FBXW11: variants seen among roughly 807,000 people sequenced by gnomAD.
FBXW11 encodes F-box and WD repeat domain containing 11.
FBXW11 carries 19 observed loss-of-function variants against 77.6 expected under a neutral mutation model. That is an observed-to-expected ratio of 0.24 (90% CI 0.17 to 0.36). The LOEUF (loss-of-function observed/expected upper bound fraction) is 0.36, where lower values mean the gene tolerates loss of function less well. Ranked by LOEUF, FBXW11 falls within the 10% of genes least tolerant of loss-of-function variation. The pLI, the probability that FBXW11 is intolerant of heterozygous loss-of-function variation, is 1.00. For missense variants in FBXW11, 334 were observed against 704.2 expected (o/e 0.47, Z 5.95); for synonymous variants, 235 against 249.4 (o/e 0.94, Z 0.54).
intron 2 of FBXW11, among the ~76,000 whole-genome samples, chr5:171,949,119 A>G (rs1763175631): frequency 6.6e-6 from 1 of 152,240 alleles, no homozygotes; most frequent in Admixed American, 6.5e-5. Flanking sequence ...AGTCCATATC[A>G]TCAGTAAGAC....
intron 2 of FBXW11, among the ~76,000 whole-genome samples, chr5:171,933,572 A>G (rs886315863): frequency 2.0e-5 from 3 of 152,292 alleles, no homozygotes; most frequent in Admixed American, 6.5e-5. Flanking sequence ...GGATGCCCAC[A>G]TTGTAAGAGG....
chr5:171,952,716 C>T (rs1763410904), intron 2 of FBXW11, among the ~76,000 whole-genome samples: 1 of 151,080 alleles, frequency 6.6e-6, no homozygotes, highest in African/African-American at 2.4e-5. Flanking sequence ...TCCCAAATTG[C>T]TGGGATTACT....
intron 1 of FBXW11, among the ~76,000 whole-genome samples, chr5:171,974,159 GCA>G (rs1764685211): frequency 6.6e-6 from 1 of 152,088 alleles, no homozygotes; most frequent in Non-Finnish European, 1.5e-5. Context: ...CATAGGTCAG[GCA>G]CAGTGTCTCA....
At chr5:171,926,488 G>A (rs1453932093) in intron 2 of FBXW11, among the ~76,000 whole-genome samples, 1 of 152,190 alleles carries the variant, frequency 6.6e-6, no homozygotes, top group Non-Finnish European at 1.5e-5. Context: ...GTTTCTCATG[G>A]TTTAACACCA....
At chr5:171,891,748 T>A in intron 6 of FBXW11, 144 bp from the exon 7 acceptor site, 1 of 724,250 alleles carries the variant, frequency 1.4e-6, no homozygotes, top group East Asian at 2.9e-5. Flanking sequence ...AGGATCATGC[T>A]CTTTTCCAAG....
At chr5:171,877,493 A>C (rs980523259) in intron 8 of FBXW11, among the ~76,000 whole-genome samples, 2 of 152,126 alleles carry the variant, frequency 1.3e-5, no homozygotes, top group Non-Finnish European at 2.9e-5. Context: ...GCATTTCCAC[A>C]TCACGGCTTT....
intron 1 of FBXW11, among the ~76,000 whole-genome samples, chr5:171,967,351 G>T (rs1457002972): frequency 6.6e-6 from 1 of 152,050 alleles, no homozygotes; most frequent in Non-Finnish European, 1.5e-5. Context: ...CACAGATTAG[G>T]GATTACCCAT....
intron 7 of FBXW11, among the ~76,000 whole-genome samples, chr5:171,885,110 A>T (rs1179721487): frequency 6.6e-6 from 1 of 152,216 alleles, no homozygotes; most frequent in Non-Finnish European, 1.5e-5. Flanking sequence ...TCCCCAGGTC[A>T]GTCAGGTTCT....
chr5:171,938,925 A>ACC (rs1470222170), intron 2 of FBXW11, among the ~76,000 whole-genome samples: 7 of 152,160 alleles, frequency 4.6e-5, no homozygotes, highest in Non-Finnish European at 7.3e-5. Context: ...ACTGTATACT[A>ACC]CCTTTTGTGT....
intron 2 of FBXW11, among the ~76,000 whole-genome samples, chr5:171,954,059 C>G (rs1404321341): frequency 6.6e-6 from 1 of 152,208 alleles, no homozygotes; most frequent in African/African-American, 2.4e-5. Flanking sequence ...AGTCCTACCC[C>G]AGCAAAAGGC....
chr5:171,950,930 G>A (rs911488405), intron 2 of FBXW11, among the ~76,000 whole-genome samples: 1 of 151,718 alleles, frequency 6.6e-6, no homozygotes, highest in African/African-American at 2.4e-5. Context: ...TTTAAATGAG[G>A]GAATTCTGAT....
intron 2 of FBXW11, 32 bp from the exon 3 acceptor site, chr5:171,914,437 T>C: frequency 6.5e-7 from 1 of 1,541,568 alleles, no homozygotes; most frequent in Non-Finnish European, 8.7e-7. Context: ...ATTTGAATTA[T>C]ACCAAGTTTT....
intron 2 of FBXW11, among the ~76,000 whole-genome samples, chr5:171,915,528 T>C (rs1302660383): frequency 6.6e-6 from 1 of 152,120 alleles, no homozygotes; most frequent in East Asian, 1.9e-4. Context: ...AAACTGGCTC[T>C]GATCAGGAAT....
intron 1 of FBXW11, among the ~76,000 whole-genome samples, chr5:171,996,515 T>C (rs1432546999): frequency 6.6e-6 from 1 of 152,036 alleles, no homozygotes; most frequent in African/African-American, 2.4e-5. Flanking sequence ...AAAAAGAAAT[T>C]AGCTGAGCAT....
Position 171,939,818 on chromosome 5 carries a change from T to C in FBXW11, c.147+17779A>G, listed in dbSNP as rs560277220. Among the ~76,000 whole-genome samples, 232 of 151,954 alleles carry C rather than the reference T, an allele frequency of 1.5e-3. 1 individual carries two copies. Among genetic ancestry groups the C allele is most frequent in the African/African-American group, 5.4e-3 (224 of 41,456 alleles). Reference sequence around the variant, plus strand: ...CAAGGCGTGTCATCCCTCAGTGTCATCCTCAGGCATCAGTTTCAGGATACA... The same window carrying C: ...CAAGGCGTGTCATCCCTCAGTGTCACCCTCAGGCATCAGTTTCAGGATACA... On this transcript the variant is annotated intron_variant, in intron 2 of 13. Coordinates refer to ENST00000517395, the MANE Select transcript of FBXW11 (RefSeq NM_001378974.1).
chr5:171,888,681 T>G lies in FBXW11; in HGVS notation c.852+2786A>C, dbSNP rs535507199. Reference sequence around the variant, plus strand: ...GTTTAAATTACCTGGCATACAAAAATCAAGAAAGATGAACAATCTCAGGGG... The same window carrying G: ...GTTTAAATTACCTGGCATACAAAAAGCAAGAAAGATGAACAATCTCAGGGG... On this transcript the variant is annotated intron_variant, in intron 7 of 13. Coordinates refer to ENST00000517395, the MANE Select transcript of FBXW11 (RefSeq NM_001378974.1). 1.9e-4 allele frequency among the ~76,000 whole-genome samples: 29 copies of G among 152,180 alleles called. No homozygotes were observed. The South Asian group carries it at 5.6e-3, about 29-fold the overall frequency.
rs1031926817 is a variant in FBXW11, at chr5:171,875,693, T to C, written c.1221+592A>G. Among the ~76,000 whole-genome samples, 7 of 152,184 alleles carry C rather than the reference T, an allele frequency of 4.6e-5. 1 individual carries two copies. The highest frequency in any genetic ancestry group is 1.7e-4 in the African/African-American group (7 of 41,428). Reference sequence around the variant, plus strand: ...ATTGGAATCAGGACTGCATTTACCATATCCTAGGGAATCACCCTAGACTTC... The same window carrying C: ...ATTGGAATCAGGACTGCATTTACCACATCCTAGGGAATCACCCTAGACTTC... On this transcript the variant is annotated intron_variant, in intron 9 of 13. Transcript: ENST00000517395.
chr5:171,866,504 G>A (rs1021594471), intron 13 of FBXW11, among the ~76,000 whole-genome samples: 4 of 152,104 alleles, frequency 2.6e-5, no homozygotes, highest in South Asian at 2.1e-4. Flanking sequence ...GGGCCTGGAG[G>A]AAGTAACACA....
At chr5:171,913,281 A>T (rs141311221) in intron 3 of FBXW11, among the ~76,000 whole-genome samples, 2 of 152,352 alleles carry the variant, frequency 1.3e-5, no homozygotes, top group East Asian at 3.9e-4. Context: ...TTATTTACAG[A>T]TAAGTTCCTA....
Sources: gnomAD v4.1 joint callset for allele counts (sites outside exome capture counted in the v4.1 genomes callset) on GRCh38, gnomAD v4.1.1 for gene constraint, MANE v1.5 for transcripts, NCBI Gene and HGNC (gene_info 2026-07-23, HGNC 2026-07-21) for gene names.